CACNA1S: variants seen among roughly 807,000 people sequenced by gnomAD.
The protein encoded by CACNA1S is calcium voltage-gated channel subunit alpha1 S.
A neutral mutation model predicts 207.4 loss-of-function variants in CACNA1S; 126 were observed. The observed-to-expected ratio is 0.61, with a 90% CI of 0.53 to 0.70. The LOEUF is 0.70. Among genes scored for constraint, CACNA1S ranks in the 30% least tolerant of loss-of-function variants. The pLI, the probability that CACNA1S is intolerant of heterozygous loss-of-function variation, is 0.00. For synonymous variants in CACNA1S, 960 were observed against 932.7 expected (o/e 1.03, Z -0.53); for missense variants, 2,349 against 2,422.8 (o/e 0.97, Z 0.64).
intron 13 of CACNA1S, 93 bp from the exon 14 acceptor site, chr1:201,074,713 C>T (rs1316056484): frequency 4.2e-6 from 3 of 719,814 alleles, no homozygotes; most frequent in African/African-American, 4.4e-5. Context: ...CAGGACCTAA[C>T]CCCACTCTCC....
chr1:201,053,590 G>A lies in CACNA1S; in HGVS notation c.3667-3C>T. On this transcript the variant is annotated splice_region_variant and splice_polypyrimidine_tract_variant and intron_variant, in intron 29 of 43. Transcript: ENST00000362061. This position sits in a 1 kb window ranked among gnomAD's most constrained non-coding sequence, Gnocchi z 5.1. ...ATGCGGGCACTCTCATCTGGGTCCT[G>A]CGGGGCAGCAGCCCCAGAGGTCAGT... 1 of 1,613,680 alleles carries A rather than the reference G, an allele frequency of 6.2e-7. No homozygotes were observed. The highest frequency in any genetic ancestry group is 8.5e-7 in the Non-Finnish European group (1 of 1,179,906).
At chr1:201,052,019 G>C (rs1660670750) in intron 32 of CACNA1S, among the ~76,000 whole-genome samples, 1 of 152,150 alleles carries the variant, frequency 6.6e-6, no homozygotes, top group African/African-American at 2.4e-5. Context: ...TCTCAGTAGA[G>C]CATTCCACTG....
chr1:201,067,054 A>C, intron 19 of CACNA1S, 61 bp from the exon 20 acceptor site: 1 of 1,103,984 alleles, frequency 9.1e-7, no homozygotes, highest in Non-Finnish European at 1.4e-6. Flanking sequence ...TGTCTCCCAC[A>C]GACAAGGGCT....
chr1:201,108,727 C>A (rs183431594), intron 2 of CACNA1S, among the ~76,000 whole-genome samples: 184 of 152,290 alleles, frequency 1.2e-3, no homozygotes, highest in Admixed American at 2.5e-3. Flanking sequence ...GATAGATTCC[C>A]ATGGAAACCA....
In CACNA1S at chr1:201,054,486, T is replaced by C; in HGVS notation, c.3666+19A>G. On this transcript the variant is annotated intron_variant, in intron 29 of 43. Transcript: ENST00000362061. ...GAGCTGGTGAGCGTGCCAGGCAGGC[T>C]CGTGCAGCCTGAAATTACAACGTTC... 1 of 1,612,956 alleles carries C rather than the reference T, an allele frequency of 6.2e-7. No homozygotes were observed. The highest frequency in any genetic ancestry group is 8.5e-7 in the Non-Finnish European group (1 of 1,179,368).
intron 10 of CACNA1S, among the ~76,000 whole-genome samples, chr1:201,079,964 T>A (rs1661785502): frequency 6.6e-6 from 1 of 152,204 alleles, no homozygotes; most frequent in Non-Finnish European, 1.5e-5. Context: ...GGGGTAGTCC[T>A]TTGTGAGAAT....
intron 2 of CACNA1S, among the ~76,000 whole-genome samples, chr1:201,105,882 C>T (rs886147977): frequency 2.6e-5 from 4 of 152,190 alleles, no homozygotes; most frequent in African/African-American, 7.2e-5. Flanking sequence ...CTCGCACACA[C>T]GGCAACTGAG....
At chr1:201,108,955 G>A (rs1383269512) in intron 2 of CACNA1S, among the ~76,000 whole-genome samples, 1 of 152,186 alleles carries the variant, frequency 6.6e-6, no homozygotes, top group Non-Finnish European at 1.5e-5. Context: ...GCCTGTACAA[G>A]AGCAGGTTCT....
rs564619929 is a variant in CACNA1S, at chr1:201,078,987, G to A, written c.1394-883C>T. 3.3e-5 allele frequency among the ~76,000 whole-genome samples: 5 copies of A among 151,940 alleles called. No individual in the cohort carries two copies. In the South Asian group the frequency reaches 1.0e-3, roughly 32 times the overall value. ...AATACAAAAAGTAGCTGGGTGTGGT[G>A]GCATGAGCCTGTAGTCCCAGCTACT... On this transcript the variant is annotated intron_variant, in intron 10 of 43. Transcript: ENST00000362061.
chr1:201,103,373 C>T lies in CACNA1S; in HGVS notation c.258+6791G>A, dbSNP rs116381467. Among the ~76,000 whole-genome samples the T allele has an allele frequency of 9.6e-3, 1,459 of 152,218 alleles. 22 individuals carry two copies. Among genetic ancestry groups the T allele is most frequent in the African/African-American group, 0.032 (1,330 of 41,530 alleles). On this transcript the variant is annotated intron_variant, in intron 2 of 43. Coordinates refer to ENST00000362061, the MANE Select transcript of CACNA1S (RefSeq NM_000069.3). Reference sequence around the variant, plus strand: ...GGCAGGTTGGTTTGACTTGAGAGGCCGTCCTTTCCTGCGACTCCCCAGGGA... The same window carrying T: ...GGCAGGTTGGTTTGACTTGAGAGGCTGTCCTTTCCTGCGACTCCCCAGGGA...
intron 38 of CACNA1S, among the ~76,000 whole-genome samples, chr1:201,044,919 G>C (rs1660424675): frequency 6.6e-6 from 1 of 152,162 alleles, no homozygotes; most frequent in African/African-American, 2.4e-5. Flanking sequence ...TCAGGTACCT[G>C]AGAGGCCACC....
chr1:201,068,404 G>A (rs577418858), intron 19 of CACNA1S, among the ~76,000 whole-genome samples: 2 of 150,714 alleles, frequency 1.3e-5, no homozygotes, highest in Admixed American at 6.6e-5. Flanking sequence ...CGCCATGCCT[G>A]CCTAATTTTT....
At chr1:201,085,083 G>A (rs937007913) in intron 8 of CACNA1S, 52 bp from the exon 9 acceptor site, 2 of 1,271,612 alleles carry the variant, frequency 1.6e-6, no homozygotes, top group Non-Finnish European at 2.3e-6. Flanking sequence ...CTCTGGGCTG[G>A]ACACACCTGG....
intron 2 of CACNA1S, among the ~76,000 whole-genome samples, chr1:201,095,646 T>C (rs1293998112): frequency 6.6e-6 from 1 of 152,156 alleles, no homozygotes; most frequent in African/African-American, 2.4e-5. Context: ...CTTCATTCCT[T>C]CTATTAATTT....
At chr1:201,087,953 C>T in intron 6 of CACNA1S, 24 bp from the exon 7 acceptor site, 1 of 1,511,016 alleles carries the variant, frequency 6.6e-7, no homozygotes, top group Non-Finnish European at 9.2e-7. Context: ...AAGTGTGATC[C>T]TCTGAGTTGA....
At position 201,050,478 on chromosome 1, in the gene CACNA1S, A is replaced by C; in HGVS notation, c.4152T>G (p.Phe1384Leu). 1 of 1,614,150 alleles carries C rather than the reference A, an allele frequency of 6.2e-7. No homozygotes were observed. Among genetic ancestry groups the C allele is most frequent in the Non-Finnish European group, 8.5e-7 (1 of 1,180,020 alleles). Reference sequence around the variant, plus strand: ...TGGACCAGTCCCGGGTGAGGTAGTCAAAATTGTCCATGATGACAGCCACAA... The same window carrying C: ...TGGACCAGTCCCGGGTGAGGTAGTCCAAATTGTCCATGATGACAGCCACAA... ...NLFVAVIMDN[F>L]DYLTRDWSIL... Residue 1384 changes from phenylalanine to leucine, a missense_variant, in exon 34 of 44, where the codon TTT (phenylalanine) becomes TTG (leucine). Phe to Leu is a conservative substitution (Grantham distance 22). Transcript: ENST00000362061.
At chr1:201,082,763 T>C (rs751290945) in intron 10 of CACNA1S, among the ~76,000 whole-genome samples, 1 of 152,200 alleles carries the variant, frequency 6.6e-6, no homozygotes, top group South Asian at 2.1e-4. Context: ...CAATAAATAG[T>C]TGGTGAAAGA....
intron 28 of CACNA1S, among the ~76,000 whole-genome samples, chr1:201,055,204 C>T (rs980827832): frequency 4.6e-5 from 7 of 152,326 alleles, no homozygotes; most frequent in South Asian, 2.1e-4. Context: ...TTCTGCAGCC[C>T]TGGGTCAAAA....
chr1:201,042,431 C>G (rs1343332047), intron 40 of CACNA1S, among the ~76,000 whole-genome samples: 1 of 152,250 alleles, frequency 6.6e-6, no homozygotes, highest in East Asian at 1.9e-4. Context: ...AGCCACCACT[C>G]CTGGCCTCTG....
Sources: allele counts gnomAD v4.1 joint callset (sites outside exome capture counted in the v4.1 genomes callset), GRCh38; gene constraint gnomAD v4.1.1; non-coding constraint Gnocchi (gnomAD v3.1); transcripts MANE v1.5; gene names NCBI Gene and HGNC (gene_info 2026-07-23, HGNC 2026-07-21).